Variants in CDYL2 observed in about 807,000 individuals in gnomAD.
CDYL2 encodes the protein chromodomain Y like 2, also known as chromodomain Y-like protein 2.
A neutral mutation model predicts 49.4 loss-of-function variants in CDYL2; 23 were observed. The ratio of observed to expected loss-of-function variants is 0.47; its 90% confidence interval spans 0.34 to 0.66. The LOEUF (loss-of-function observed/expected upper bound fraction) is 0.66. Among genes scored for constraint, CDYL2 ranks in the 30% least tolerant of loss-of-function variants. The probability of loss-of-function intolerance (pLI) is 0.01; values close to 1 mark genes in which losing one functional copy is unlikely to be tolerated. For synonymous variants in CDYL2, 360 were observed against 268.8 expected, an observed-to-expected ratio of 1.34 and a Z score of -3.32; for missense variants, 678 against 656.4, an observed-to-expected ratio of 1.03 and a Z score of -0.36.
chr16:80,776,844 GTC>G (rs1300947237), intron 1 of CDYL2, among the ~76,000 whole-genome samples: 4 of 151,082 alleles, frequency 2.6e-5, no homozygotes, highest in Admixed American at 2.6e-4. Flanking sequence ...TGGAGACAGA[GTC>G]TCCCTCTGTC....
chr16:80,625,371 G>T (rs1907256162), intron 3 of CDYL2, among the ~76,000 whole-genome samples: 1 of 152,112 alleles, frequency 6.6e-6, no homozygotes, highest in Non-Finnish European at 1.5e-5. Flanking sequence ...AGATTCTTCT[G>T]CTTCTCTCAT....
intron 2 of CDYL2, among the ~76,000 whole-genome samples, chr16:80,683,455 A>T (rs1910049068): frequency 1.3e-5 from 2 of 152,370 alleles, no homozygotes; most frequent in African/African-American, 4.8e-5. Flanking sequence ...TACATGGGTC[A>T]TCACCTCCTG....
At chr16:80,662,928 G>C (rs978477166) in intron 2 of CDYL2, among the ~76,000 whole-genome samples, 1 of 151,950 alleles carries the variant, frequency 6.6e-6, no homozygotes, top group Non-Finnish European at 1.5e-5. Context: ...AACCAGCGGA[G>C]GCCCAGCACA....
intron 2 of CDYL2, among the ~76,000 whole-genome samples, chr16:80,656,231 C>T (rs1454777570): frequency 2.0e-5 from 3 of 152,228 alleles, no homozygotes; most frequent in African/African-American, 7.2e-5. Context: ...AGCTGGAGGA[C>T]ACCAAGGCAT....
At chr16:80,799,453 T>C (rs1033771816) in intron 1 of CDYL2, among the ~76,000 whole-genome samples, 1 of 152,186 alleles carries the variant, frequency 6.6e-6, no homozygotes, top group African/African-American at 2.4e-5. Context: ...CTCTCATATA[T>C]TTGGTGGTCT....
chr16:80,800,301 C>CA (rs1042350969), intron 1 of CDYL2, among the ~76,000 whole-genome samples: 5 of 152,138 alleles, frequency 3.3e-5, no homozygotes, highest in African/African-American at 1.2e-4. Context: ...GACTTAATTT[C>CA]AATAAAATCG....
At chr16:80,702,251 A>G (rs2142501765) in intron 1 of CDYL2, among the ~76,000 whole-genome samples, 1 of 151,908 alleles carries the variant, frequency 6.6e-6, no homozygotes, top group Non-Finnish European at 1.5e-5. Flanking sequence ...AACAAGACAG[A>G]GGTAGACAGC....
chr16:80,607,183 A>C (rs1326500544), intron 6 of CDYL2, among the ~76,000 whole-genome samples: 2 of 151,908 alleles, frequency 1.3e-5, no homozygotes, highest in Non-Finnish European at 2.9e-5. Flanking sequence ...GCCACCCCCC[A>C]CCGTCACCCT....
At chr16:80,725,314 A>T (rs1905130369) in intron 1 of CDYL2, among the ~76,000 whole-genome samples, 1 of 152,156 alleles carries the variant, frequency 6.6e-6, no homozygotes, top group Non-Finnish European at 1.5e-5. Flanking sequence ...TCTTAGATAA[A>T]ATTGGAGACC....
chr16:80,679,145 G>C (rs1039281609), intron 2 of CDYL2, among the ~76,000 whole-genome samples: 2 of 150,870 alleles, frequency 1.3e-5, no homozygotes, highest in African/African-American at 4.9e-5. Context: ...ATAGCATTGG[G>C]AGATATACCT....
intron 1 of CDYL2, among the ~76,000 whole-genome samples, chr16:80,737,200 T>C (rs1326425945): frequency 6.6e-6 from 1 of 152,142 alleles, no homozygotes; most frequent in Non-Finnish European, 1.5e-5. Flanking sequence ...AAGTACCCCA[T>C]GTAGACTGCT....
intron 2 of CDYL2, among the ~76,000 whole-genome samples, chr16:80,673,799 T>A (rs1909628836): frequency 6.6e-6 from 1 of 152,194 alleles, no homozygotes. Context: ...AGTTAAGGAT[T>A]TGGAGATGGG....
intron 1 of CDYL2, among the ~76,000 whole-genome samples, chr16:80,732,428 T>C (rs937869240): frequency 1.3e-5 from 2 of 152,020 alleles, no homozygotes; most frequent in Non-Finnish European, 2.9e-5. Context: ...CAGGTTGCAA[T>C]ACGGAAAAAA....
intron 6 of CDYL2, 27 bp from the exon 7 acceptor site, chr16:80,604,573 AG>A: frequency 6.2e-7 from 1 of 1,613,456 alleles, no homozygotes; most frequent in Non-Finnish European, 8.5e-7. Context: ...AGGCCTGATT[AG>A]CCGGGCACCA....
intron 1 of CDYL2, among the ~76,000 whole-genome samples, chr16:80,746,276 A>T (rs1464373499): frequency 6.6e-6 from 1 of 152,224 alleles, no homozygotes; most frequent in Non-Finnish European, 1.5e-5. Flanking sequence ...TAATAAATTG[A>T]TACCAAATTA....
chr16:80,795,293 C>T (rs541107497), intron 1 of CDYL2, among the ~76,000 whole-genome samples: 14 of 152,256 alleles, frequency 9.2e-5, no homozygotes, highest in Non-Finnish European at 1.5e-4. Flanking sequence ...ACTTATAAAT[C>T]AATGTGGTGA....
intron 2 of CDYL2, among the ~76,000 whole-genome samples, chr16:80,678,094 T>C (rs1909829017): frequency 1.3e-5 from 2 of 152,098 alleles, no homozygotes; most frequent in Admixed American, 6.5e-5. Flanking sequence ...TCCTTACACC[T>C]TATACAAAAA....
At chr16:80,666,379 T>A (rs559150991) in intron 2 of CDYL2, among the ~76,000 whole-genome samples, 1 of 152,202 alleles carries the variant, frequency 6.6e-6, no homozygotes, top group East Asian at 1.9e-4. Flanking sequence ...ATAAATTACA[T>A]GATTTGGGCA....
At chr16:80,685,488 G>A (rs1025815752) in intron 1 of CDYL2, among the ~76,000 whole-genome samples, 1 of 152,154 alleles carries the variant, frequency 6.6e-6, no homozygotes, top group African/African-American at 2.4e-5. Flanking sequence ...AGTAGATGCA[G>A]GCTATTAAAG....
Sources: gnomAD v4.1 joint callset for allele counts (sites outside exome capture counted in the v4.1 genomes callset) on GRCh38, gnomAD v4.1.1 for gene constraint, MANE v1.5 for transcripts, NCBI Gene and HGNC (gene_info 2026-07-23, HGNC 2026-07-21) for gene names.